The following MTSS1 variants were observed in gnomAD, a reference collection of about 807,000 sequenced individuals.
MTSS1 encodes protein MTSS 1.
In MTSS1, 18 loss-of-function variants were observed where a neutral mutation model predicts 79.0. The ratio of observed to expected loss-of-function variants is 0.23; its 90% CI spans 0.16 to 0.34. The LOEUF (loss-of-function observed/expected upper bound fraction) is 0.34, where lower values mean the gene tolerates loss of function less well. Among genes scored for constraint, MTSS1 ranks in the 10% least tolerant of loss-of-function variants. The pLI is 1.00. For missense variants in MTSS1, 815 were observed against 986.2 expected (o/e 0.83, Z 2.33); for synonymous variants, 341 against 368.6 (o/e 0.93, Z 0.86).
At chr8:124,627,582 C>T (rs542964315) in intron 3 of MTSS1, among the ~76,000 whole-genome samples, 23 of 152,290 alleles carry the variant, frequency 1.5e-4, no homozygotes, top group East Asian at 5.8e-4. Context: ...AATATAAGAC[C>T]GGGAAAGTAG....
At chr8:124,723,610 A>G (rs147107663) in intron 1 of MTSS1, among the ~76,000 whole-genome samples, 323 of 152,346 alleles carry the variant, frequency 2.1e-3, no homozygotes, top group African/African-American at 7.6e-3. Flanking sequence ...ATGACTCTAC[A>G]TAGAAGAGGT....
rs370110453 is a variant in MTSS1, at chr8:124,607,855, T to C, written c.209-16620A>G. Reference sequence around the variant, plus strand: ...ATAAAAATGACCCCAGGTTAACAGTTATTATATATCTCTACAGAAAAGGGG... The same window carrying C: ...ATAAAAATGACCCCAGGTTAACAGTCATTATATATCTCTACAGAAAAGGGG... On this transcript the variant is annotated intron_variant, in intron 3 of 13. Transcript: ENST00000518547. Among the ~76,000 whole-genome samples, 3 of 152,162 alleles carry C rather than the reference T, an allele frequency of 2.0e-5. No individual in the cohort carries two copies. The East Asian group carries it at 5.8e-4, about 29-fold the overall frequency.
intron 1 of MTSS1, among the ~76,000 whole-genome samples, chr8:124,714,879 C>T (rs191964122): frequency 6.6e-6 from 1 of 152,306 alleles, no homozygotes; most frequent in Admixed American, 6.5e-5. Context: ...CAGGGGCTGG[C>T]TGCTTTTACC....
chr8:124,615,096 G>C (rs1225342221), intron 3 of MTSS1, among the ~76,000 whole-genome samples: 1 of 152,198 alleles, frequency 6.6e-6, no homozygotes, highest in African/African-American at 2.4e-5. Flanking sequence ...GGCAGTACAA[G>C]AGAACAGTGC....
At chr8:124,567,546 T>C in intron 7 of MTSS1, 4 of 1,272,600 alleles carry the variant, frequency 3.1e-6, no homozygotes, top group Non-Finnish European at 4.1e-6. Flanking sequence ...TTAGCTTCAA[T>C]GGATGACACG....
chr8:124,584,527 A>G (rs6470254), intron 6 of MTSS1, among the ~76,000 whole-genome samples: 49,090 of 152,088 alleles, frequency 0.32, 9,405 homozygotes, highest in Non-Finnish European at 0.44. Context: ...TTGTTTGTGA[A>G]GGAGGATAAA....
At chr8:124,614,792 A>C (rs1391181602) in intron 3 of MTSS1, among the ~76,000 whole-genome samples, 2 of 152,226 alleles carry the variant, frequency 1.3e-5, no homozygotes, top group African/African-American at 4.8e-5. Flanking sequence ...GAGGAAAGGA[A>C]GAGGCTCCTG....
intron 3 of MTSS1, among the ~76,000 whole-genome samples, chr8:124,670,409 C>T (rs1035800434): frequency 1.3e-5 from 2 of 150,784 alleles, no homozygotes; most frequent in Non-Finnish European, 3.0e-5. Flanking sequence ...CCCCACACAG[C>T]CTGGCGGCAC....
intron 3 of MTSS1, among the ~76,000 whole-genome samples, chr8:124,599,985 T>G (rs1833488104): frequency 2.6e-5 from 4 of 151,420 alleles, no homozygotes; most frequent in Admixed American, 2.6e-4. Context: ...TTGCTGTCTG[T>G]GTGGTCTTTG....
At chr8:124,584,966 C>G (rs1830605782) in intron 6 of MTSS1, 121 bp downstream of exon 6, 1 of 783,216 alleles carries the variant, frequency 1.3e-6, no homozygotes. Context: ...CCTATTTGCT[C>G]CCACCTGTTT....
At chr8:124,593,314 G>A (rs1242426884) in intron 3 of MTSS1, among the ~76,000 whole-genome samples, 1 of 152,242 alleles carries the variant, frequency 6.6e-6, no homozygotes, top group African/African-American at 2.4e-5. Context: ...GATGGTAAGA[G>A]TGTAAACTAC....
chr8:124,702,491 G>A (rs1347460131), intron 2 of MTSS1, among the ~76,000 whole-genome samples: 1 of 152,182 alleles, frequency 6.6e-6, no homozygotes, highest in Non-Finnish European at 1.5e-5. Context: ...CTGTCCATCT[G>A]AGGCTGCAGT....
chr8:124,719,026 G>A lies in MTSS1; in HGVS notation c.72+8858C>T, dbSNP rs143063960. On this transcript the variant is annotated intron_variant, in intron 1 of 13. Coordinates refer to ENST00000518547, the MANE Select transcript of MTSS1 (RefSeq NM_014751.6). ...TGAGTCCTAATGGTACAAATAGAGCGATCAAGGACATGAATGAAATACACC... is the reference window on the plus strand; with the variant it reads ...TGAGTCCTAATGGTACAAATAGAGCAATCAAGGACATGAATGAAATACACC... Among the ~76,000 whole-genome samples, 98 of 152,232 alleles carry A rather than the reference G, an allele frequency of 6.4e-4. No individual in the cohort carries two copies. The East Asian group carries it at 6.8e-3, about 10-fold the overall frequency.
At chr8:124,708,257 G>T (rs1830672398) in intron 1 of MTSS1, among the ~76,000 whole-genome samples, 1 of 152,194 alleles carries the variant, frequency 6.6e-6, no homozygotes, top group Non-Finnish European at 1.5e-5. Flanking sequence ...AGGAACGAAT[G>T]AGGTCATATA....
chr8:124,585,262 G>A, intron 5 of MTSS1, 101 bp from the exon 6 acceptor site: 1 of 814,726 alleles, frequency 1.2e-6, no homozygotes, highest in Non-Finnish European at 2.1e-6. Context: ...AGCATAAACT[G>A]TGACATGCCG....
Position 124,552,526 on chromosome 8 carries a change from A to G in MTSS1, c.*466T>C, listed in dbSNP as rs1822684854. ...TGAAGATTTTACCTCTTACCCATTTAGTTTGTACATTAAAATAACTTGCAT... is the reference window on the plus strand; with the variant it reads ...TGAAGATTTTACCTCTTACCCATTTGGTTTGTACATTAAAATAACTTGCAT... On this transcript the variant is annotated 3_prime_UTR_variant, in exon 14 of 14. Coordinates refer to ENST00000518547, the MANE Select transcript of MTSS1 (RefSeq NM_014751.6). 1 of 164,950 alleles carries G rather than the reference A, an allele frequency of 6.1e-6. No individual in the cohort carries two copies. The highest frequency in any genetic ancestry group is 1.3e-5 in the Non-Finnish European group (1 of 74,582). The allele number at this position is 164,950 out of a possible 1,614,324, so 10.2% of individuals were successfully genotyped here. A position where few individuals can be genotyped will look rare whatever the true frequency, so the allele number is the denominator to read the frequency against.
intron 3 of MTSS1, among the ~76,000 whole-genome samples, chr8:124,688,418 T>C (rs1827387495): frequency 1.3e-5 from 2 of 152,116 alleles, no homozygotes; most frequent in South Asian, 4.1e-4. Flanking sequence ...TGTGTACGTA[T>C]GTGTGCATGT....
chr8:124,605,590 GCT>G (rs1563842887), intron 3 of MTSS1, among the ~76,000 whole-genome samples: 8 of 138,332 alleles, frequency 5.8e-5, no homozygotes, highest in African/African-American at 2.7e-4. Flanking sequence ...CTGCCCTCTC[GCT>G]GCCTCCCTCC....
In MTSS1 at chr8:124,558,611, G is replaced by A. The variant is rs181321595; in HGVS notation, c.1036-736C>T. On this transcript the variant is annotated intron_variant, in intron 10 of 13. Coordinates refer to ENST00000518547, the MANE Select transcript of MTSS1 (RefSeq NM_014751.6). ...CAAGAGGAGCCCCACTCTTGGTGTC[G>A]ATTCTGAGCTTCCAGGTTGCCGCGG... 1.2e-3 allele frequency: 1,688 copies of A among 1,393,512 alleles called. 21 individuals carry two copies. The African/African-American group carries it at 0.02, about 17-fold the overall frequency. 86.3% of individuals were successfully genotyped at this position (1,393,512 alleles called of 1,614,324 possible).
Sources: allele counts gnomAD v4.1 joint callset (sites outside exome capture counted in the v4.1 genomes callset), GRCh38; gene constraint gnomAD v4.1.1; transcripts MANE v1.5; gene names NCBI Gene and HGNC (gene_info 2026-07-23, HGNC 2026-07-21).